Variants in RGMA observed in about 807,000 individuals in gnomAD.
RGMA encodes the protein repulsive guidance molecule BMP co-receptor a.
In RGMA, 10 loss-of-function variants were observed where a neutral mutation model predicts 23.2. That is an observed-to-expected ratio of 0.43 (90% CI 0.27 to 0.73). The LOEUF is 0.73. Among genes scored for constraint, RGMA ranks in the 30% least tolerant of loss-of-function variants. RGMA has a pLI of 0.20. For missense variants in RGMA, 547 were observed against 630.5 expected (o/e 0.87, Z 1.42); for synonymous variants, 308 against 279.3 (o/e 1.10, Z -1.03).
Position 93,073,185 on chromosome 15 carries a change from G to A in RGMA, c.15-154C>T, listed in dbSNP as rs934849719. The A allele has an allele frequency of 7.3e-4, 885 of 1,219,160 alleles. 1 individual carries two copies. Among genetic ancestry groups the A allele is most frequent in the Non-Finnish European group, 8.8e-4 (864 of 979,390 alleles). The allele number at this position is 1,219,160 out of a possible 1,614,324, so 75.5% of individuals were successfully genotyped here. The stretch of plus-strand genomic sequence containing the variant: ...CCCCTTCCCGCGCCGCCCCCCGCGC[G>A]CCCCTCCCTCGCCATCCATCACTCG... On this transcript the variant is annotated intron_variant, in intron 1 of 3. Coordinates refer to ENST00000329082, the MANE Select transcript of RGMA (RefSeq NM_020211.3).
At chr15:93,082,594 T>C (rs1181937580) in intron 1 of RGMA, among the ~76,000 whole-genome samples, 1 of 152,218 alleles carries the variant, frequency 6.6e-6, no homozygotes, top group African/African-American at 2.4e-5. Flanking sequence ...TCCAATAATA[T>C]GCCCCACATG....
At position 93,082,166 on chromosome 15, in the gene RGMA, T is replaced by A. The variant is rs559161833; in HGVS notation, c.14+6753A>T. 7.9e-4 allele frequency among the ~76,000 whole-genome samples: 120 copies of A among 152,362 alleles called. 1 individual carries two copies. In the South Asian group the frequency reaches 0.011, roughly 14 times the overall value. ...AGTAGTTGCCAATATTCATTTTATATCATGGACAGGAACTATTGTTTGGAC... is the reference window on the plus strand; with the variant it reads ...AGTAGTTGCCAATATTCATTTTATAACATGGACAGGAACTATTGTTTGGAC... On this transcript the variant is annotated intron_variant, in intron 1 of 3. Transcript: ENST00000329082.
At chr15:93,067,714 G>T (rs1895202005) in intron 2 of RGMA, among the ~76,000 whole-genome samples, 1 of 152,094 alleles carries the variant, frequency 6.6e-6, no homozygotes, top group Non-Finnish European at 1.5e-5. Context: ...AGGGCTTGGG[G>T]ATGTGCTGGA....
At chr15:93,048,731 ACTT>A (rs1567179915) in intron 3 of RGMA, among the ~76,000 whole-genome samples, 1 of 151,868 alleles carries the variant, frequency 6.6e-6, no homozygotes, top group Non-Finnish European at 1.5e-5. Context: ...TCAGCCTCCT[ACTT>A]CTTCCTTCTT....
At chr15:93,047,584 A>G (rs1410161285) in intron 3 of RGMA, among the ~76,000 whole-genome samples, 1 of 85,886 alleles carries the variant, frequency 1.2e-5, no homozygotes, top group Non-Finnish European at 2.3e-5. Flanking sequence ...ATCCCTCCCC[A>G]CCCAGGAGAG....
rs2054685969 is a variant in RGMA, at chr15:93,038,569, G to GTTTTTTTTTTTTTTTCTTTTTTTT, written c.*6428_*6429insAAAAAAAAGAAAAAAAAAAAAAAA. On this transcript the variant is annotated 3_prime_UTR_variant, in exon 4 of 4. Coordinates refer to ENST00000329082, the MANE Select transcript of RGMA (RefSeq NM_020211.3). ...GCCTTAATGAACGAAACTGTTAGTT[G>GTTTTTTTTTTTTTTTCTTTTTTTT]TTTTTTTTTTTTTTTTGAGACGGTG... The GTTTTTTTTTTTTTTTCTTTTTTTT allele has an allele frequency of 1.0e-5, 1 of 100,224 alleles. No individual in the cohort carries two copies. 6.2% of individuals were successfully genotyped at this position (100,224 alleles called of 1,614,324 possible).
chr15:93,088,856 A>G (rs1895686285), intron 1 of RGMA, 63 bp downstream of exon 1: 1 of 1,419,982 alleles, frequency 7.0e-7, no homozygotes, highest in Non-Finnish European at 9.4e-7. Flanking sequence ...TGGCCCCGGC[A>G]TGTGTCGGCG....
intron 3 of RGMA, among the ~76,000 whole-genome samples, chr15:93,047,664 T>C (rs1000149604): frequency 4.0e-5 from 6 of 150,844 alleles, no homozygotes; most frequent in Non-Finnish European, 8.8e-5. Flanking sequence ...CCTCAGAGGG[T>C]CTGCAGGCTG....
chr15:93,065,990 C>T, intron 2 of RGMA: 2 of 1,242,646 alleles, frequency 1.6e-6, no homozygotes, highest in Non-Finnish European at 2.3e-6. Context: ...TGCGCGGAGT[C>T]TTTGGCCCGT....
In RGMA at chr15:93,082,380, G is replaced by A. The variant is rs1207047754; in HGVS notation, c.14+6539C>T. On this transcript the variant is annotated intron_variant, in intron 1 of 3. Coordinates refer to ENST00000329082, the MANE Select transcript of RGMA (RefSeq NM_020211.3). Reference sequence around the variant, plus strand: ...GAAAAAACTCCCCCATGTAACCAGCGTCGTCATCTTAACTATGCCACGGGC... The same window carrying A: ...GAAAAAACTCCCCCATGTAACCAGCATCGTCATCTTAACTATGCCACGGGC... 2.6e-5 allele frequency among the ~76,000 whole-genome samples: 4 copies of A among 152,258 alleles called. No homozygotes were observed. In the East Asian group the frequency reaches 7.7e-4, roughly 29 times the overall value.
chr15:93,059,996 T>C (rs1264437364), intron 2 of RGMA, among the ~76,000 whole-genome samples: 1 of 152,208 alleles, frequency 6.6e-6, no homozygotes, highest in Non-Finnish European at 1.5e-5. Flanking sequence ...CAAGCTGCGT[T>C]GAACACAGAG....
intron 1 of RGMA, chr15:93,073,904 C>CCGGTCCGCGTGG: frequency 6.9e-7 from 1 of 1,444,452 alleles, no homozygotes; most frequent in Non-Finnish European, 9.1e-7. Flanking sequence ...GATGGCTATG[C>CCGGTCCGCGTGG]CGGTCCGCGT....
In RGMA at chr15:93,038,155, T is replaced by TG. The variant is rs1277423782; in HGVS notation, c.*6842dup. 1 of 152,238 alleles carries TG rather than the reference T, an allele frequency of 6.6e-6. No individual in the cohort carries two copies. Among genetic ancestry groups the TG allele is most frequent in the Non-Finnish European group, 1.5e-5 (1 of 68,056 alleles). 9.4% of individuals were successfully genotyped at this position (152,238 alleles called of 1,614,324 possible). A position where few individuals can be genotyped will look rare whatever the true frequency, so the allele number is the denominator to read the frequency against. ...TAAGGAAAGCTGTTGATAGCAGGGT[T>TG]GGGGGCCTTGGCTGTGCCGATTCAG... On this transcript the variant is annotated 3_prime_UTR_variant, in exon 4 of 4. Coordinates refer to ENST00000329082, the MANE Select transcript of RGMA (RefSeq NM_020211.3).
intron 3 of RGMA, among the ~76,000 whole-genome samples, chr15:93,051,152 C>T (rs549833556): frequency 2.5e-4 from 38 of 152,324 alleles, no homozygotes; most frequent in Admixed American, 1.4e-3. Context: ...CAAGGGCCAC[C>T]GGAGCAGAGG....
chr15:93,043,597 G>C lies in RGMA; in HGVS notation c.*1401C>G, dbSNP rs1044081708. The C allele has an allele frequency of 6.6e-6, 1 of 152,326 alleles. No individual in the cohort carries two copies. Among genetic ancestry groups the C allele is most frequent in the African/African-American group, 2.4e-5 (1 of 41,410 alleles). 9.4% of individuals were successfully genotyped at this position (152,326 alleles called of 1,614,324 possible). On this transcript the variant is annotated 3_prime_UTR_variant, in exon 4 of 4. Coordinates refer to ENST00000329082, the MANE Select transcript of RGMA (RefSeq NM_020211.3). ...CTTCACTTTTTACTTCCAACATAGG[G>C]ACCAACTAAAACCAGCAGGGAGAGG...
At chr15:93,061,560 T>G (rs902626332) in intron 2 of RGMA, among the ~76,000 whole-genome samples, 45 of 152,216 alleles carry the variant, frequency 3.0e-4, no homozygotes, top group Admixed American at 2.7e-3. Context: ...TTCACTCTTT[T>G]GGGGAGGGGG....
At chr15:93,047,211 G>A (rs1275554915) in intron 3 of RGMA, among the ~76,000 whole-genome samples, 3 of 152,164 alleles carry the variant, frequency 2.0e-5, no homozygotes, top group Admixed American at 1.3e-4. Flanking sequence ...TTCCTCTGCC[G>A]TCCGCGTCCT....
At chr15:93,055,584 C>A (rs2055000396) in intron 2 of RGMA, among the ~76,000 whole-genome samples, 1 of 152,236 alleles carries the variant, frequency 6.6e-6, no homozygotes, top group African/African-American at 2.4e-5. Context: ...GGCAGCCACA[C>A]ATCATCACAC....
In RGMA at chr15:93,037,988, C is replaced by T. The variant is rs1166680543; in HGVS notation, c.*7010G>A. 1 of 152,282 alleles carries T rather than the reference C, an allele frequency of 6.6e-6. No homozygotes were observed. Among genetic ancestry groups the T allele is most frequent in the Non-Finnish European group, 1.5e-5 (1 of 68,088 alleles). 9.4% of individuals were successfully genotyped at this position (152,282 alleles called of 1,614,324 possible). On this transcript the variant is annotated 3_prime_UTR_variant, in exon 4 of 4. Coordinates refer to ENST00000329082, the MANE Select transcript of RGMA (RefSeq NM_020211.3). The surrounding 1 kb of genome is among the most constrained non-coding windows in gnomAD (Gnocchi z 4.3). ...CCTGCAGCTGTCTATTAATTCAGACCATCCTGCTAGGACTTTCTGAGAGTG... is the reference window on the plus strand; with the variant it reads ...CCTGCAGCTGTCTATTAATTCAGACTATCCTGCTAGGACTTTCTGAGAGTG...
Sources: allele counts gnomAD v4.1 joint callset (sites outside exome capture counted in the v4.1 genomes callset), GRCh38; gene constraint gnomAD v4.1.1; non-coding constraint Gnocchi (gnomAD v3.1); transcripts MANE v1.5; gene names NCBI Gene and HGNC (gene_info 2026-07-23, HGNC 2026-07-21).